The following PKN2 variants were observed in gnomAD, a reference collection of about 807,000 sequenced individuals.
PKN2 encodes the protein protein kinase N2, also known as serine/threonine-protein kinase N2.
In PKN2, 38 loss-of-function variants were observed where a neutral mutation model predicts 119.1. The ratio of observed to expected loss-of-function variants is 0.32; its 90% confidence interval spans 0.25 to 0.42. The LOEUF (loss-of-function observed/expected upper bound fraction) is 0.42, where lower values mean the gene tolerates loss of function less well. Among genes scored for constraint, PKN2 ranks in the 10% least tolerant of loss-of-function variants. The pLI is 1.00. For missense variants in PKN2, 850 were observed against 1,165.1 expected (o/e 0.73, Z 3.94); for synonymous variants, 390 against 384.9 (o/e 1.01, Z -0.15).
At chr1:88,829,873 T>C (rs987881539) in intron 19 of PKN2, among the ~76,000 whole-genome samples, 1 of 152,204 alleles carries the variant, frequency 6.6e-6, no homozygotes, top group African/African-American at 2.4e-5. Context: ...TCTATGCTTG[T>C]CATTTATTGG....
intron 1 of PKN2, among the ~76,000 whole-genome samples, chr1:88,733,217 A>G (rs1668211296): frequency 6.6e-6 from 1 of 152,096 alleles, no homozygotes; most frequent in African/African-American, 2.4e-5. Flanking sequence ...CAGTAGTGGG[A>G]TTTATCGGAT....
In PKN2 at chr1:88,834,642, T is replaced by G. The variant is rs1162839698; in HGVS notation, c.*1194T>G. The G allele has an allele frequency of 6.6e-6, 1 of 152,434 alleles. No homozygotes were observed. The highest frequency in any genetic ancestry group is 1.9e-4 in the East Asian group (1 of 5,206). The allele number at this position is 152,434 out of a possible 1,614,324, so 9.4% of individuals were successfully genotyped here. A position where few individuals can be genotyped will look rare whatever the true frequency, so the allele number is the denominator to read the frequency against. ...AATATTTTTGATAAAACAGTCTATA[T>G]TTTATTAAAAAATGAATTATAACAC... On this transcript the variant is annotated 3_prime_UTR_variant, in exon 22 of 22. Transcript: ENST00000370521.
At chr1:88,765,878 G>T (rs1470311824) in intron 3 of PKN2, among the ~76,000 whole-genome samples, 4 of 152,062 alleles carry the variant, frequency 2.6e-5, no homozygotes, top group Non-Finnish European at 5.9e-5. Context: ...TGTAATCTTG[G>T]CTCACTCACT....
At chr1:88,804,276 G>A in intron 8 of PKN2, 115 bp from the exon 9 acceptor site, 1 of 736,448 alleles carries the variant, frequency 1.4e-6, no homozygotes, top group Non-Finnish European at 2.2e-6. Flanking sequence ...TGACCTTTGT[G>A]TGTGTAATTT....
chr1:88,732,746 C>T (rs1668191252), intron 1 of PKN2, among the ~76,000 whole-genome samples: 1 of 152,032 alleles, frequency 6.6e-6, no homozygotes, highest in Admixed American at 6.6e-5. Flanking sequence ...TTTTAAATTT[C>T]TTGTTTTATA....
At chr1:88,690,406 T>G (rs1557541046) in intron 1 of PKN2, among the ~76,000 whole-genome samples, 1 of 152,248 alleles carries the variant, frequency 6.6e-6, no homozygotes, top group Non-Finnish European at 1.5e-5. Context: ...TAAAATATAC[T>G]GTGCTGATAA....
At chr1:88,712,028 A>G (rs1667253057) in intron 1 of PKN2, among the ~76,000 whole-genome samples, 1 of 152,250 alleles carries the variant, frequency 6.6e-6, no homozygotes, top group African/African-American at 2.4e-5. Flanking sequence ...AGCCTTCATA[A>G]TCTAGTGCTA....
At chr1:88,746,648 T>G (rs926124739) in intron 2 of PKN2, among the ~76,000 whole-genome samples, 2 of 152,090 alleles carry the variant, frequency 1.3e-5, no homozygotes, top group African/African-American at 4.8e-5. Flanking sequence ...GCCTTGTGCA[T>G]TGTTGGTGGT....
intron 8 of PKN2, among the ~76,000 whole-genome samples, chr1:88,795,995 A>G (rs2100852768): frequency 6.6e-6 from 1 of 152,314 alleles, no homozygotes; most frequent in South Asian, 2.1e-4. Flanking sequence ...CAGAACTACT[A>G]AGTGGTGTGG....
chr1:88,693,899 A>G (rs927319691), intron 1 of PKN2, among the ~76,000 whole-genome samples: 2 of 152,136 alleles, frequency 1.3e-5, no homozygotes, highest in African/African-American at 4.8e-5. Flanking sequence ...TAGCTACCCA[A>G]GTTTGCTCCT....
intron 6 of PKN2, among the ~76,000 whole-genome samples, chr1:88,777,978 A>G (rs1052609665): frequency 1.6e-4 from 25 of 152,138 alleles, no homozygotes; most frequent in African/African-American, 5.3e-4. Flanking sequence ...CACTCTTACA[A>G]TACTCCCTTG....
At chr1:88,791,862 C>T (rs976833883) in intron 8 of PKN2, among the ~76,000 whole-genome samples, 1 of 151,876 alleles carries the variant, frequency 6.6e-6, no homozygotes, top group South Asian at 2.1e-4. Context: ...ATGCTTTCTC[C>T]CTAGAAAAGG....
At chr1:88,821,866 A>C in intron 16 of PKN2, 75 bp from the exon 17 acceptor site, 1 of 1,119,734 alleles carries the variant, frequency 8.9e-7, no homozygotes, top group Middle Eastern at 2.2e-4. Context: ...GTCTGCTTTG[A>C]AGTATAAACA....
intron 1 of PKN2, among the ~76,000 whole-genome samples, chr1:88,731,044 C>T (rs1436205477): frequency 2.0e-5 from 3 of 152,198 alleles, no homozygotes; most frequent in African/African-American, 7.2e-5. Context: ...ATTTGGTTTT[C>T]ATGTCTGTCT....
chr1:88,786,063 G>C (rs1670559732), intron 7 of PKN2, 41 bp from the exon 8 acceptor site: 1 of 1,188,812 alleles, frequency 8.4e-7, no homozygotes, highest in Admixed American at 1.7e-5. Context: ...TTTTTATAAA[G>C]GTTTAAAGTT....
intron 8 of PKN2, among the ~76,000 whole-genome samples, chr1:88,786,437 A>C (rs1670576380): frequency 6.6e-6 from 1 of 152,182 alleles, no homozygotes; most frequent in Non-Finnish European, 1.5e-5. Flanking sequence ...TAATTTGAAA[A>C]TGTTTCATTC....
rs534072782 is a variant in PKN2, at chr1:88,778,737, A to G, written c.986-5902A>G. ...GATTTTCTTTTTTTTTTTTCGAGAC[A>G]GAGTCTCGCTCTGTTGCCCAGGCTG... is the stretch of plus-strand genomic sequence containing the variant. On this transcript the variant is annotated intron_variant, in intron 6 of 21. Transcript: ENST00000370521. Among the ~76,000 whole-genome samples, 8 of 150,624 alleles carry G rather than the reference A, an allele frequency of 5.3e-5. No homozygotes were observed. In the South Asian group the frequency reaches 1.5e-3, roughly 28 times the overall value.
intron 2 of PKN2, among the ~76,000 whole-genome samples, chr1:88,751,188 A>AC (rs1668977823): frequency 6.6e-6 from 1 of 152,034 alleles, no homozygotes; most frequent in African/African-American, 2.4e-5. Flanking sequence ...ATACTTAGGC[A>AC]CGTGTGTGTG....
intron 1 of PKN2, among the ~76,000 whole-genome samples, chr1:88,687,366 G>A (rs866362551): frequency 1.3e-4 from 20 of 152,182 alleles, no homozygotes; most frequent in African/African-American, 4.3e-4. Flanking sequence ...GTTTAAAATG[G>A]CCAATTTCTA....
Sources: allele counts gnomAD v4.1 joint callset (sites outside exome capture counted in the v4.1 genomes callset), GRCh38; gene constraint gnomAD v4.1.1; transcripts MANE v1.5; gene names NCBI Gene and HGNC (gene_info 2026-07-23, HGNC 2026-07-21).